RHBDD1: variants seen among roughly 807,000 people sequenced by gnomAD.
RHBDD1 encodes the protein rhomboid-related protein 4.
A neutral mutation model predicts 36.3 loss-of-function variants in RHBDD1; 38 were observed. The observed-to-expected ratio is 1.05, with a 90% CI of 0.81 to 1.37. The LOEUF is 1.37. Ranked by LOEUF, RHBDD1 falls within the 40% of genes most tolerant of loss-of-function variation. The pLI is 0.00. For synonymous variants in RHBDD1, 151 were observed against 136.5 expected, an observed-to-expected ratio of 1.11 and a Z score of -0.74; for missense variants, 393 against 377.6, an observed-to-expected ratio of 1.04 and a Z score of -0.34.
chr2:226,988,778 A>G (rs1406261219), intron 8 of RHBDD1: 7 of 854,244 alleles, frequency 8.2e-6, no homozygotes, highest in Non-Finnish European at 9.8e-6. Flanking sequence ...AGAAGTTACA[A>G]ACTGTTCTCT....
chr2:226,901,372 A>G (rs186056102), intron 5 of RHBDD1, among the ~76,000 whole-genome samples: 2 of 152,298 alleles, frequency 1.3e-5, no homozygotes, highest in East Asian at 1.9e-4. Context: ...TTGAAATACT[A>G]ATTTCAGTTC....
At chr2:226,869,508 A>G (rs1213082019) in intron 5 of RHBDD1, among the ~76,000 whole-genome samples, 1 of 152,240 alleles carries the variant, frequency 6.6e-6, no homozygotes, top group South Asian at 2.1e-4. Context: ...GTAAATCTTT[A>G]GAACAAAGCT....
At chr2:226,804,232 G>A in the RHBDD1 span, 1 of 152,152 alleles carries the variant, frequency 6.6e-6, no homozygotes, top group Non-Finnish European at 1.5e-5. Context: ...ATTGAAAATG[G>A]AGATTTCTTA....
At chr2:226,897,855 T>C (rs1947241243) in intron 5 of RHBDD1, among the ~76,000 whole-genome samples, 2 of 152,152 alleles carry the variant, frequency 1.3e-5, no homozygotes, top group Non-Finnish European at 2.9e-5. Flanking sequence ...GGCATGCACC[T>C]GCAATCTCAG....
At chr2:226,917,576 G>A (rs756448498) in intron 8 of RHBDD1, among the ~76,000 whole-genome samples, 18 of 152,090 alleles carry the variant, frequency 1.2e-4, no homozygotes, top group Non-Finnish European at 2.5e-4. Flanking sequence ...ATGGAGTTAC[G>A]TTCTAAAACT....
At chr2:226,831,837 T>C (rs1940748572), upstream of RHBDD1, among the ~76,000 whole-genome samples, 1 of 152,222 alleles carries the variant, frequency 6.6e-6, no homozygotes, top group Non-Finnish European at 1.5e-5. Flanking sequence ...TGGCACAACG[T>C]TATTTACAGT....
chr2:226,801,726 G>A, the RHBDD1 span, among the ~76,000 whole-genome samples: 5 of 152,150 alleles, frequency 3.3e-5, no homozygotes, highest in African/African-American at 1.2e-4. Flanking sequence ...GAAATTCTGG[G>A]GGTATAGAGT....
intron 3 of RHBDD1, among the ~76,000 whole-genome samples, chr2:226,860,865 A>T (rs1342663873): frequency 6.6e-6 from 1 of 152,134 alleles, no homozygotes; most frequent in African/African-American, 2.4e-5. Flanking sequence ...AAGCCACACA[A>T]TTTTACTTCT....
intron 8 of RHBDD1, among the ~76,000 whole-genome samples, chr2:226,930,227 C>T (rs1459456610): frequency 6.6e-6 from 1 of 151,776 alleles, no homozygotes; most frequent in Non-Finnish European, 1.5e-5. Context: ...AAGAACAATC[C>T]AGAGGCATCA....
At chr2:226,966,119 G>T (rs915775617) in intron 8 of RHBDD1, among the ~76,000 whole-genome samples, 1 of 152,098 alleles carries the variant, frequency 6.6e-6, no homozygotes, top group East Asian at 1.9e-4. Flanking sequence ...CCATATGATT[G>T]TCTCAATAAA....
intron 8 of RHBDD1, among the ~76,000 whole-genome samples, chr2:226,942,003 T>A (rs1013368001): frequency 4.9e-4 from 74 of 152,302 alleles, no homozygotes; most frequent in Middle Eastern, 3.4e-3. Context: ...ACATTCTAAG[T>A]GGTAAATATC....
chr2:226,990,326 C>T (rs529115566), intron 8 of RHBDD1, among the ~76,000 whole-genome samples: 2 of 152,306 alleles, frequency 1.3e-5, no homozygotes, highest in African/African-American at 2.4e-5. Flanking sequence ...ACATGGGTCG[C>T]ATGCTGCTGC....
intron 5 of RHBDD1, among the ~76,000 whole-genome samples, chr2:226,874,580 G>A (rs1307552945): frequency 5.3e-5 from 8 of 152,096 alleles, no homozygotes; most frequent in Non-Finnish European, 1.2e-4. Context: ...TGTGTCCAGG[G>A]TCATGTGGCC....
the RHBDD1 span, among the ~76,000 whole-genome samples, chr2:226,805,650 C>T: frequency 2.0e-5 from 3 of 152,334 alleles, no homozygotes; most frequent in African/African-American, 4.8e-5. Flanking sequence ...GCAGTGCACT[C>T]TAAACTTTCT....
chr2:226,970,893 A>G (rs1273276379), intron 8 of RHBDD1, among the ~76,000 whole-genome samples: 3 of 152,106 alleles, frequency 2.0e-5, no homozygotes, highest in African/African-American at 4.8e-5. Context: ...ACCTTCGTGG[A>G]CTTTTACTTT....
chr2:226,823,661 A>G, the RHBDD1 span, among the ~76,000 whole-genome samples: 1 of 152,262 alleles, frequency 6.6e-6, no homozygotes, highest in Non-Finnish European at 1.5e-5. Flanking sequence ...CACCTATCTT[A>G]GTCCAATTTA....
upstream of RHBDD1, among the ~76,000 whole-genome samples, chr2:226,832,590 T>C (rs1940769098): frequency 6.6e-6 from 1 of 152,250 alleles, no homozygotes; most frequent in Non-Finnish European, 1.5e-5. Context: ...GTTGTTTGTA[T>C]ATTTCTCTGT....
chr2:226,883,976 A>C lies in RHBDD1; in HGVS notation c.566+16658A>C, dbSNP rs75634911. 6.3e-3 allele frequency among the ~76,000 whole-genome samples: 953 copies of C among 152,230 alleles called. 9 individuals carry two copies. The highest frequency in any genetic ancestry group is 0.022 in the African/African-American group (903 of 41,546). The stretch of plus-strand genomic sequence containing the variant: ...AGTCATGAAGCCGCTAAAGCAATGT[A>C]TTTCCCTTTGGAGTGTTTAGAATGT... On this transcript the variant is annotated intron_variant, in intron 5 of 8. Coordinates refer to ENST00000392062, the MANE Select transcript of RHBDD1 (RefSeq NM_001167608.3).
At chr2:226,863,080 G>A (rs773037948) in intron 3 of RHBDD1, among the ~76,000 whole-genome samples, 3 of 152,196 alleles carry the variant, frequency 2.0e-5, no homozygotes, top group Non-Finnish European at 4.4e-5. Flanking sequence ...GGGCCTAGTG[G>A]CTCATGCCTG....
Sources: allele counts gnomAD v4.1 joint callset (sites outside exome capture counted in the v4.1 genomes callset), GRCh38; gene constraint gnomAD v4.1.1; transcripts MANE v1.5; gene names NCBI Gene and HGNC (gene_info 2026-07-23, HGNC 2026-07-21).